EYS: variants seen among roughly 807,000 people sequenced by gnomAD.
EYS encodes the protein EGF-like photoreceptor maintenance factor.
EYS carries 250 observed loss-of-function variants against 282.1 expected under a neutral mutation model. That is an observed-to-expected ratio of 0.89 (90% CI 0.80 to 0.98). EYS has a LOEUF of 0.98. Ranked by LOEUF, EYS falls within the 50% of genes least tolerant of loss-of-function variation. The pLI is 0.00. For synonymous variants in EYS, 1,355 were observed against 1,282.9 expected, an observed-to-expected ratio of 1.06 and a Z score of -1.20; for missense variants, 4,016 against 3,709.0, an observed-to-expected ratio of 1.08 and a Z score of -2.15.
intron 26 of EYS, among the ~76,000 whole-genome samples, chr6:64,466,075 G>T (rs1468066347): frequency 6.6e-6 from 1 of 152,038 alleles, no homozygotes; most frequent in African/African-American, 2.4e-5. Flanking sequence ...TGTTAGAATG[G>T]TTATTATCTA....
intron 5 of EYS, among the ~76,000 whole-genome samples, chr6:65,414,783 T>A (rs576819604): frequency 5.9e-5 from 9 of 152,182 alleles, no homozygotes; most frequent in African/African-American, 2.2e-4. Flanking sequence ...AAGATAAATA[T>A]TTGAGATTTG....
intron 22 of EYS, among the ~76,000 whole-genome samples, chr6:64,673,554 TA>T: frequency 6.6e-6 from 1 of 152,234 alleles, no homozygotes; most frequent in South Asian, 2.1e-4. Flanking sequence ...ATTTTGCCTC[TA>T]ACAAGGAAAC....
At chr6:64,889,187 T>C (rs1323535145) in intron 18 of EYS, among the ~76,000 whole-genome samples, 1 of 152,036 alleles carries the variant, frequency 6.6e-6, no homozygotes, top group Non-Finnish European at 1.5e-5. Context: ...TCTCTCATTT[T>C]GAAAATCAGA....
At chr6:64,076,150 C>A (rs1301514120) in intron 32 of EYS, among the ~76,000 whole-genome samples, 3 of 151,952 alleles carry the variant, frequency 2.0e-5, no homozygotes, top group African/African-American at 7.2e-5. Context: ...AAAACATTAT[C>A]TTTGTTTCAA....
chr6:63,839,325 G>A (rs542064869), intron 36 of EYS, among the ~76,000 whole-genome samples: 4 of 151,970 alleles, frequency 2.6e-5, no homozygotes, highest in African/African-American at 4.8e-5. Context: ...TTATCTTTCT[G>A]TTCCTGGCTT....
At chr6:64,479,802 C>T (rs1776381245) in intron 26 of EYS, among the ~76,000 whole-genome samples, 1 of 151,798 alleles carries the variant, frequency 6.6e-6, no homozygotes, top group Non-Finnish European at 1.5e-5. Flanking sequence ...GCAAAAAACA[C>T]CCAAATCTGC....
chr6:64,947,529 T>C (rs1326969711), intron 14 of EYS, among the ~76,000 whole-genome samples: 5 of 151,840 alleles, frequency 3.3e-5, no homozygotes, highest in African/African-American at 4.8e-5. Flanking sequence ...TCTTTAAGGG[T>C]ACTCCAGTTT....
At chr6:65,289,679 C>T (rs1374218374) in intron 12 of EYS, among the ~76,000 whole-genome samples, 6 of 151,160 alleles carry the variant, frequency 4.0e-5, no homozygotes, top group Non-Finnish European at 7.4e-5. Context: ...AGGAATCCAA[C>T]ATTCCTAACT....
intron 2 of EYS, among the ~76,000 whole-genome samples, chr6:65,588,424 T>A (rs1765127581): frequency 6.6e-6 from 1 of 152,134 alleles, no homozygotes; most frequent in East Asian, 1.9e-4. Context: ...CTGAGCCTCT[T>A]AAGACTGTGG....
At chr6:64,597,545 G>A (rs1174768140) in intron 24 of EYS, among the ~76,000 whole-genome samples, 2 of 152,230 alleles carry the variant, frequency 1.3e-5, no homozygotes, top group East Asian at 1.9e-4. Context: ...AATTAAATCA[G>A]GTGTTTTGTA....
chr6:64,417,148 A>G (rs77226207), intron 28 of EYS, among the ~76,000 whole-genome samples: 70 of 152,344 alleles, frequency 4.6e-4, no homozygotes, highest in African/African-American at 1.6e-3. Flanking sequence ...TACAGTGAAA[A>G]GCTATACACA....
intron 29 of EYS, among the ~76,000 whole-genome samples, chr6:64,352,194 C>A (rs1771666595): frequency 6.6e-6 from 1 of 151,280 alleles, no homozygotes; most frequent in African/African-American, 2.4e-5. Flanking sequence ...AAAATAAATA[C>A]AGAATTAAAA....
intron 31 of EYS, among the ~76,000 whole-genome samples, chr6:64,101,780 T>A (rs113181422): frequency 0.042 from 6,361 of 152,080 alleles, 390 homozygotes; most frequent in African/African-American, 0.14. Flanking sequence ...ATTATTACAT[T>A]GTGATGTATA....
intron 12 of EYS, among the ~76,000 whole-genome samples, chr6:65,282,726 A>T (rs562279445): frequency 1.1e-4 from 17 of 152,140 alleles, no homozygotes; most frequent in African/African-American, 4.1e-4. Context: ...ATGGCTTTCC[A>T]TAAAGACATG....
At chr6:64,099,016 C>A (rs1004775000) in intron 31 of EYS, among the ~76,000 whole-genome samples, 1 of 152,100 alleles carries the variant, frequency 6.6e-6, no homozygotes, top group East Asian at 1.9e-4. Flanking sequence ...AAAATTAGCA[C>A]CCAGAAAATT....
intron 33 of EYS, among the ~76,000 whole-genome samples, chr6:64,039,541 T>C (rs1257248703): frequency 6.6e-6 from 1 of 152,184 alleles, no homozygotes; most frequent in Admixed American, 6.5e-5. Flanking sequence ...AATAGATCCC[T>C]GGCAAGACAT....
At chr6:64,417,584 T>C (rs1214961334) in intron 28 of EYS, among the ~76,000 whole-genome samples, 1 of 152,038 alleles carries the variant, frequency 6.6e-6, no homozygotes, top group African/African-American at 2.4e-5. Context: ...TTTAGTTGCA[T>C]ACTAGTTATT....
intron 12 of EYS, among the ~76,000 whole-genome samples, chr6:65,147,702 T>C (rs920371052): frequency 9.2e-5 from 14 of 152,082 alleles, no homozygotes; most frequent in African/African-American, 2.9e-4. Flanking sequence ...ACAAAATACA[T>C]GATTACCTGT....
intron 12 of EYS, among the ~76,000 whole-genome samples, chr6:65,145,802 T>C (rs1764462403): frequency 6.6e-6 from 1 of 151,996 alleles, no homozygotes; most frequent in Admixed American, 6.6e-5. Flanking sequence ...AAAAAAGACC[T>C]CTGATTTTAT....
Sources: gnomAD v4.1 joint callset for allele counts (sites outside exome capture counted in the v4.1 genomes callset) on GRCh38, gnomAD v4.1.1 for gene constraint, MANE v1.5 for transcripts, NCBI Gene and HGNC (gene_info 2026-07-23, HGNC 2026-07-21) for gene names.